DCHS1: variants seen among roughly 807,000 people sequenced by gnomAD.
DCHS1 encodes protocadherin-16.
In DCHS1, 78 loss-of-function variants were observed where a neutral mutation model predicts 213.9. The observed-to-expected ratio is 0.36, with a 90% CI of 0.30 to 0.44. The LOEUF (loss-of-function observed/expected upper bound fraction) is 0.44, where lower values mean the gene tolerates loss of function less well. Ranked by LOEUF, DCHS1 falls within the 20% of genes least tolerant of loss-of-function variation. DCHS1 has a pLI of 1.00. For synonymous variants in DCHS1, 1,828 were observed against 1,873.7 expected, an observed-to-expected ratio of 0.98 and a Z score of 0.63; for missense variants, 3,946 against 4,395.9, an observed-to-expected ratio of 0.90 and a Z score of 2.89.
rs144463486 is a variant in DCHS1, at chr11:6,626,806, C to T, written c.6233G>A (p.Arg2078His). ...FPRASSEATI[R>H]ENAPPGTPIV... ...GGACCCACCTGGGGGCGCATTCTCA[C>T]GAATCGTAGCCTCACTGCTAGCCCG... is the stretch of plus-strand genomic sequence containing the variant. Residue 2078 changes from arginine (R) to histidine (H), a missense_variant, in exon 14 of 21, where the codon CGT becomes CAT. Physicochemically the swap from Arg to His is conservative, Grantham distance 29. Around this residue, in one of 3 missense-constraint regions of DCHS1, gnomAD observed 3,384 missense variants for 3,780.1 expected, o/e 0.90. Coordinates refer to ENST00000299441, the MANE Select transcript of DCHS1 (RefSeq NM_003737.4). The surrounding 1 kb of genome is among the most constrained non-coding windows in gnomAD (Gnocchi z 5.2). 70 of 1,612,338 alleles carry T rather than the reference C, an allele frequency of 4.3e-5. No homozygotes were observed. Among genetic ancestry groups the T allele is most frequent in the South Asian group, 7.7e-5 (7 of 91,078 alleles).
rs781043036 is a variant in DCHS1 at position 6,633,028 on chromosome 11, T to C, written c.2484A>G (p.Leu828=). ...AGAGTCCTCGGGGATCCCCACCTGA[T>C]AGGGAAAGGGTCACAGGTGCCAAGC... is the stretch of plus-strand genomic sequence containing the variant. ...PGRLAPVTLS[L]SGGDPRGLFS... The change falls in exon 6 of 21, where the codon CTA becomes CTG. Residue 828 remains leucine (L), a synonymous_variant. Transcript: ENST00000299441. The C allele has an allele frequency of 3.1e-6, 5 of 1,609,156 alleles. No homozygotes were observed. In the South Asian group the frequency reaches 3.3e-5, roughly 11 times the overall value.
rs1395129525 is a variant in DCHS1, at chr11:6,655,566, C to T, written c.-124G>A. ...CCGGGCGGGCGCGGGCACTGACCTCCGCGCGACGCGGGCTCCCTCGCCCGG... is the reference window on the plus strand; with the variant it reads ...CCGGGCGGGCGCGGGCACTGACCTCTGCGCGACGCGGGCTCCCTCGCCCGG... On this transcript the variant is annotated 5_prime_UTR_variant, in exon 1 of 21. Coordinates refer to ENST00000299441, the MANE Select transcript of DCHS1 (RefSeq NM_003737.4). 1 of 980,774 alleles carries T rather than the reference C, an allele frequency of 1.0e-6. No homozygotes were observed. The highest frequency in any genetic ancestry group is 1.1e-4 in the East Asian group (1 of 8,716). The allele number at this position is 980,774 out of a possible 1,614,324, so 60.8% of individuals were successfully genotyped here.
chr11:6,622,831 C>T lies in DCHS1; in HGVS notation c.8845G>A (p.Val2949Met), dbSNP rs773513175. 3.1e-6 allele frequency: 5 copies of T among 1,594,736 alleles called. No individual in the cohort carries two copies. The highest frequency in any genetic ancestry group is 2.6e-6 in the Non-Finnish European group (3 of 1,170,766). ...ACCAGGGCTGCCAGTGCAAGCACCA[C>T]CACAACTCCCAAGGAGGCTGCCACG... Reference protein sequence around the residue: ...GAVAASLGVVVVLALAALVLG... With the variant: ...GAVAASLGVVMVLALAALVLG... Residue 2949 changes from valine to methionine, a missense_variant, in exon 21 of 21, where the codon GTG becomes ATG. By Grantham distance (21) the Val-to-Met change is conservative. Transcript: ENST00000299441. The surrounding 1 kb of genome is among the most constrained non-coding windows in gnomAD (Gnocchi z 5.4).
Position 6,640,164 on chromosome 11 carries a change from C to T in DCHS1, c.1450G>A (p.Glu484Lys). Reference protein sequence around the residue: ...RQLYRPEPLPEVALPGSFVVR... With the variant: ...RQLYRPEPLPKVALPGSFVVR... The stretch of plus-strand genomic sequence containing the variant: ...ACAAAGCTGCCAGGCAGCGCAACCT[C>T]AGGCAGGGGCTCAGGTCGGTAGAGC... The change falls in exon 2 of 21, where the codon GAG becomes AAG. Residue 484 changes from glutamate (E) to lysine (K), a missense_variant. Physicochemically the swap from Glu to Lys is moderately conservative, Grantham distance 56 (BLOSUM62 1). Around this residue, in one of 3 missense-constraint regions of DCHS1, gnomAD observed 3,384 missense variants for 3,780.1 expected, o/e 0.90. Transcript: ENST00000299441. The surrounding 1 kb of genome is among the most constrained non-coding windows in gnomAD (Gnocchi z 6.5). The T allele has an allele frequency of 6.2e-7, 1 of 1,613,802 alleles. No homozygotes were observed. Among genetic ancestry groups the T allele is most frequent in the Middle Eastern group, 1.6e-4 (1 of 6,062 alleles).
Position 6,627,599 on chromosome 11 carries a change from C to A in DCHS1, c.5440G>T (p.Asp1814Tyr). ...SGEFGTMRPLDREVEPAFQLR... is the reference protein window; with the variant it reads ...SGEFGTMRPLYREVEPAFQLR... The stretch of plus-strand genomic sequence containing the variant: ...TGGAAAGCTGGCTCCACTTCTCTGT[C>A]TAGTGGCCGCATGGTGCCAAACTCT... The change falls in exon 14 of 21, where the codon GAC becomes TAC. Residue 1814 changes from aspartate (D) to tyrosine (Y), a missense_variant. Asp to Tyr is a radical substitution (Grantham distance 160, BLOSUM62 -3). Coordinates refer to ENST00000299441, the MANE Select transcript of DCHS1 (RefSeq NM_003737.4). The surrounding 1 kb of genome is among the most constrained non-coding windows in gnomAD (Gnocchi z 5.4). 1 of 1,613,134 alleles carries A rather than the reference C, an allele frequency of 6.2e-7. No individual in the cohort carries two copies. Among genetic ancestry groups the A allele is most frequent in the African/African-American group, 1.3e-5 (1 of 75,054 alleles).
At position 6,626,904 on chromosome 11, in the gene DCHS1, A is replaced by G. The variant is rs1855814785; in HGVS notation, c.6135T>C (p.Arg2045=). Residue 2045 remains arginine (R), a synonymous_variant, in exon 14 of 21, where the codon CGT becomes CGC. Transcript: ENST00000299441. This position sits in a 1 kb window ranked among gnomAD's most constrained non-coding sequence, Gnocchi z 5.2. ...VLFIVATDLG[R]PARSATGVII... ...TCACACCAGTGGCAGAGCGAGCTGG[A>G]CGGCCAAGATCAGTGGCCACAATGA... 6.2e-7 allele frequency: 1 copy of G among 1,613,410 alleles called. No homozygotes were observed. Among genetic ancestry groups the G allele is most frequent in the South Asian group, 1.1e-5 (1 of 91,064 alleles).
intron 2 of DCHS1, among the ~76,000 whole-genome samples, chr11:6,639,356 A>C (rs1406944748): frequency 6.6e-6 from 1 of 152,068 alleles, no homozygotes; most frequent in Non-Finnish European, 1.5e-5. Flanking sequence ...TCTCATTCTC[A>C]TGTCTGAGAC....
rs751082049 is a variant in DCHS1 at position 6,640,353 on chromosome 11, T to C, written c.1261A>G (p.Ile421Val). 1.9e-6 allele frequency: 3 copies of C among 1,612,868 alleles called. No individual in the cohort carries two copies. Among genetic ancestry groups the C allele is most frequent in the African/African-American group, 1.3e-5 (1 of 74,920 alleles). ...CGCCGAGCCACACACACCAGATAGA[T>C]GACGCTGTCTTGGGTGCTTAGGGCA... is the stretch of plus-strand genomic sequence containing the variant. ...HFALSTQDSV[I>V]YLVCVARRLD... Residue 421 changes from isoleucine (I) to valine (V), a missense_variant, in exon 2 of 21, where the codon ATC becomes GTC. Transcript: ENST00000299441. This position sits in a 1 kb window ranked among gnomAD's most constrained non-coding sequence, Gnocchi z 6.5.
rs1855810510 is a variant in DCHS1 at position 6,626,715 on chromosome 11, T to C, written c.6251-50A>G. The C allele has an allele frequency of 6.2e-7, 1 of 1,610,782 alleles. No homozygotes were observed. The highest frequency in any genetic ancestry group is 8.5e-7 in the Non-Finnish European group (1 of 1,178,522). ...ACTGTGAGCGCGAGACTGGGAGAGT[T>C]TGGGGGACATTTTCAAAGCACAACC... On this transcript the variant is annotated intron_variant, in intron 14 of 20. Coordinates refer to ENST00000299441, the MANE Select transcript of DCHS1 (RefSeq NM_003737.4). This position sits in a 1 kb window ranked among gnomAD's most constrained non-coding sequence, Gnocchi z 5.2.
rs1486676833 is a variant in DCHS1, at chr11:6,641,337, C to T, written c.277G>A (p.Ala93Thr). 6.2e-7 allele frequency: 1 copy of T among 1,613,508 alleles called. No individual in the cohort carries two copies. The highest frequency in any genetic ancestry group is 1.7e-5 in the Admixed American group (1 of 60,012). Residue 93 changes from alanine to threonine, a missense_variant, in exon 2 of 21, where the codon GCC becomes ACC. By Grantham distance (58) the Ala-to-Thr change is moderately conservative. Around this residue, in one of 3 missense-constraint regions of DCHS1, gnomAD observed 3,384 missense variants for 3,780.1 expected, o/e 0.90. Coordinates refer to ENST00000299441, the MANE Select transcript of DCHS1 (RefSeq NM_003737.4). This position sits in a 1 kb window ranked among gnomAD's most constrained non-coding sequence, Gnocchi z 7.1. ...ACGACCCCACTGTGTTCGTCAATGG[C>T]CAGGTCTGTGCCCACGCCGCTGCCC... is the stretch of plus-strand genomic sequence containing the variant. ...QEGSGVGTDL[A>T]IDEHSGVVRT...
chr11:6,623,343 G>C lies in DCHS1; in HGVS notation c.8333C>G (p.Thr2778Arg). The change falls in exon 21 of 21, where the codon ACA becomes AGA. Residue 2778 changes from threonine (T) to arginine (R), a missense_variant. Thr to Arg is a moderately conservative substitution (Grantham distance 71, BLOSUM62 -1). This residue lies in a region of DCHS1 where 3,384 missense variants were observed against 3,780.1 expected (regional missense o/e 0.90). Transcript: ENST00000299441. ...RARVPFDYEH[T>R]ESFRLLVGAA... ...ACCCACCAGCAGCCGGAAGCTTTCT[G>C]TGTGCTCATAGTCAAAGGGCACTCG... is the stretch of plus-strand genomic sequence containing the variant. 6.3e-7 allele frequency: 1 copy of C among 1,596,294 alleles called. No individual in the cohort carries two copies. Among genetic ancestry groups the C allele is most frequent in the Non-Finnish European group, 8.5e-7 (1 of 1,171,300 alleles).
chr11:6,631,588 C>T (rs1190859469), intron 7 of DCHS1, 28 bp downstream of exon 7: 14 of 1,552,630 alleles, frequency 9.0e-6, no homozygotes, highest in Non-Finnish European at 1.2e-5. Context: ...TCACACTTCT[C>T]AGGACAAAGT....
Position 6,623,447 on chromosome 11 carries a change from G to C in DCHS1, c.8229C>G (p.Tyr2743Ter). Residue 2743 changes from tyrosine to a stop codon, truncating the protein, a stop_gained, in exon 21 of 21, where the codon TAC (tyrosine) becomes TAG (stop). Transcript: ENST00000299441. LOFTEE classifies it high-confidence loss of function. ...GTCCTGGCCCAGCCTCCAACAGGCT[G>C]TAACGGAGCCTCCCAAAAGCCCCAG... is the stretch of plus-strand genomic sequence containing the variant. ...GDAGAFGRLRYSLLEAGPGPE... is the reference protein window; with the variant it reads ...GDAGAFGRLR The C allele has an allele frequency of 6.3e-7, 1 of 1,581,588 alleles. No homozygotes were observed. Among genetic ancestry groups the C allele is most frequent in the Non-Finnish European group, 8.6e-7 (1 of 1,163,884 alleles).
rs1025982647 is a variant in DCHS1 at position 6,621,837 on chromosome 11, G to A, written c.9839C>T (p.Ser3280Leu). ...CAGGCCAGACTCTGCGCTGAGTGCT[G>A]AGGCTGAGGGACCCTGGGCCACCCC... is the stretch of plus-strand genomic sequence containing the variant. ...PFGVAQGPSA[S>L]ALSAESGLEP... Residue 3280 changes from serine (S) to leucine (L), a missense_variant, in exon 21 of 21, where the codon TCA becomes TTA. Ser to Leu is a moderately radical substitution (Grantham distance 145). Around this residue, in one of 3 missense-constraint regions of DCHS1, gnomAD observed 554 missense variants for 590.2 expected, o/e 0.94. Coordinates refer to ENST00000299441, the MANE Select transcript of DCHS1 (RefSeq NM_003737.4). 8.1e-6 allele frequency: 13 copies of A among 1,609,822 alleles called. No individual in the cohort carries two copies. In the Middle Eastern group the frequency reaches 6.6e-4, roughly 82 times the overall value.
Position 6,640,604 on chromosome 11 carries a change from C to T in DCHS1, c.1010G>A (p.Gly337Asp), listed in dbSNP as rs199518166. The T allele has an allele frequency of 1.9e-6, 3 of 1,609,132 alleles. No individual in the cohort carries two copies. Among genetic ancestry groups the T allele is most frequent in the East Asian group, 4.5e-5 (2 of 44,878 alleles). ...VHELVVQARD[G>D]GAHPELGSAF... ...CGAGCCCAGCTCAGGGTGAGCCCCACCATCTCGTGCTTGCACCACCAGTTC... is the reference window on the plus strand; with the variant it reads ...CGAGCCCAGCTCAGGGTGAGCCCCATCATCTCGTGCTTGCACCACCAGTTC... Residue 337 changes from glycine to aspartate, a missense_variant, in exon 2 of 21, where the codon GGT becomes GAT. Physicochemically the swap from Gly to Asp is moderately conservative, Grantham distance 94. Around this residue, in one of 3 missense-constraint regions of DCHS1, gnomAD observed 3,384 missense variants for 3,780.1 expected, o/e 0.90. Coordinates refer to ENST00000299441, the MANE Select transcript of DCHS1 (RefSeq NM_003737.4). The surrounding 1 kb of genome is among the most constrained non-coding windows in gnomAD (Gnocchi z 6.5).
At chr11:6,649,530 G>A (rs376275653) in intron 1 of DCHS1, among the ~76,000 whole-genome samples, 6 of 151,934 alleles carry the variant, frequency 3.9e-5, no homozygotes, top group African/African-American at 9.7e-5. Context: ...AGAGGAGGTC[G>A]TAGGGTACAC....
Position 6,627,337 on chromosome 11 carries a change from G to A in DCHS1, c.5702C>T (p.Ala1901Val), listed in dbSNP as rs1313266257. 1 of 1,609,400 alleles carries A rather than the reference G, an allele frequency of 6.2e-7. No individual in the cohort carries two copies. ...TCCAGAGCTGGGCTCCAGCAGGAAG[G>A]CTCCTGCTGTACCGGCGCCCAGGTA... ...TYYLGAGTAG[A>V]FLLEPSSGEL... is the part of the protein sequence containing the mutation. The change falls in exon 14 of 21, where the codon GCC becomes GTC. Residue 1901 changes from alanine to valine, a missense_variant. This residue lies in a region of DCHS1 where 3,384 missense variants were observed against 3,780.1 expected (regional missense o/e 0.90). Coordinates refer to ENST00000299441, the MANE Select transcript of DCHS1 (RefSeq NM_003737.4). This position sits in a 1 kb window ranked among gnomAD's most constrained non-coding sequence, Gnocchi z 5.4.
rs1257889516 is a variant in DCHS1, at chr11:6,633,042, C to T, written c.2470G>A (p.Val824Met). The change falls in exon 6 of 21, where the codon GTG (valine) becomes ATG (methionine). Residue 824 changes from valine (V) to methionine (M), a missense_variant. Physicochemically the swap from Val to Met is conservative, Grantham distance 21. Around this residue, in one of 3 missense-constraint regions of DCHS1, gnomAD observed 3,384 missense variants for 3,780.1 expected, o/e 0.90. Transcript: ENST00000299441. ...AHNPPGRLAPVTLSLSGGDPR... is the reference protein window; with the variant it reads ...AHNPPGRLAPMTLSLSGGDPR... ...TCCCCACCTGATAGGGAAAGGGTCA[C>T]AGGTGCCAAGCGACCTAGGGAGGAT... 1 of 1,605,964 alleles carries T rather than the reference C, an allele frequency of 6.2e-7. No individual in the cohort carries two copies. The highest frequency in any genetic ancestry group is 1.1e-5 in the South Asian group (1 of 90,432).
Position 6,633,228 on chromosome 11 carries a change from A to G in DCHS1, c.2456-172T>C, listed in dbSNP as rs535852589. 6.8e-5 allele frequency among the ~76,000 whole-genome samples: 5 copies of G among 73,556 alleles called. No individual in the cohort carries two copies. In the East Asian group the frequency reaches 3.1e-3, roughly 45 times the overall value. 48.3% of individuals were successfully genotyped at this position (73,556 alleles called of 152,430 possible). Reference sequence around the variant, plus strand: ...GTTGGTTGGCACGCACTGAGGTGACATTCCTATGCCTCATGAAGCAGTGTG... The same window carrying G: ...GTTGGTTGGCACGCACTGAGGTGACGTTCCTATGCCTCATGAAGCAGTGTG... On this transcript the variant is annotated intron_variant, in intron 5 of 20. Coordinates refer to ENST00000299441, the MANE Select transcript of DCHS1 (RefSeq NM_003737.4).
Sources: allele counts gnomAD v4.1 joint callset (sites outside exome capture counted in the v4.1 genomes callset), GRCh38; gene constraint gnomAD v4.1.1; regional missense constraint gnomAD v4.1.1; non-coding constraint Gnocchi (gnomAD v3.1); transcripts MANE v1.5; gene names NCBI Gene and HGNC (gene_info 2026-07-23, HGNC 2026-07-21).